DNM2: variants seen among roughly 807,000 people sequenced by gnomAD.
DNM2 encodes the protein dynamin 2.
Under a neutral mutation model 99.0 loss-of-function variants are expected in DNM2, and 15 were observed. The observed-to-expected ratio is 0.15, with a 90% CI of 0.10 to 0.23. DNM2 has a LOEUF of 0.23. Ranked by LOEUF, DNM2 falls within the 10% of genes least tolerant of loss-of-function variation. The probability of loss-of-function intolerance (pLI) is 1.00; values close to 1 mark genes in which losing one functional copy is unlikely to be tolerated. For missense variants in DNM2, 742 were observed against 1,189.4 expected (o/e 0.62, Z 5.53); for synonymous variants, 525 against 481.2 (o/e 1.09, Z -1.19).
chr19:10,773,400 G>A (rs1471325314), intron 3 of DNM2, among the ~76,000 whole-genome samples: 1 of 151,014 alleles, frequency 6.6e-6, no homozygotes, highest in East Asian at 2.0e-4. Context: ...GCCCACTTTG[G>A]CCTCCCAAAA....
At chr19:10,797,580 C>T (rs2071983531) in intron 10 of DNM2, 62 bp downstream of exon 10, 4 of 1,611,934 alleles carry the variant, frequency 2.5e-6, no homozygotes, top group Admixed American at 3.3e-5. Context: ...GTGTTAGTCT[C>T]AACCCGAGCA....
intron 1 of DNM2, among the ~76,000 whole-genome samples, chr19:10,746,346 ATGGGGGGCACT>A (rs2069969216): frequency 6.6e-6 from 1 of 151,028 alleles, no homozygotes; most frequent in Non-Finnish European, 1.5e-5. Context: ...TGACAGGGCC[ATGGGGGGCACT>A]TGGGAACTGT....
Position 10,764,949 on chromosome 19 carries a change from T to TTTTTTC in DNM2, c.235+5150_235+5155dup, listed in dbSNP as rs2070747059. The stretch of plus-strand genomic sequence containing the variant: ...GGCAGCACGAGTTATCCTGTTCTTG[T>TTTTTTC]TTTTTCTTTTTCTTTTTTTTTTTTT... On this transcript the variant is annotated intron_variant, in intron 2 of 20. Coordinates refer to ENST00000389253, the MANE Select transcript of DNM2 (RefSeq NM_001005361.3). This position sits in a 1 kb window ranked among gnomAD's most constrained non-coding sequence, Gnocchi z 4.1. Among the ~76,000 whole-genome samples, 1 of 151,658 alleles carries TTTTTTC rather than the reference T, an allele frequency of 6.6e-6. No individual in the cohort carries two copies. The highest frequency in any genetic ancestry group is 1.5e-5 in the Non-Finnish European group (1 of 67,862).
chr19:10,782,661 AT>A (rs1425420186), intron 5 of DNM2, among the ~76,000 whole-genome samples: 1 of 152,052 alleles, frequency 6.6e-6, no homozygotes, highest in African/African-American at 2.4e-5. Context: ...CCCGGCCGAG[AT>A]TTTTTTCTCA....
At chr19:10,723,431 C>A (rs1324765319) in intron 1 of DNM2, among the ~76,000 whole-genome samples, 1 of 152,168 alleles carries the variant, frequency 6.6e-6, no homozygotes, top group Non-Finnish European at 1.5e-5. Context: ...CCGTGCCCGG[C>A]TAATTTTTCT....
chr19:10,792,302 CAG>C (rs1345065009), intron 7 of DNM2, among the ~76,000 whole-genome samples: 6 of 152,148 alleles, frequency 3.9e-5, no homozygotes, highest in Admixed American at 3.9e-4. Flanking sequence ...GTGGCCCTGA[CAG>C]TGGTCACCAT....
chr19:10,784,636 G>T (rs1831451141), intron 6 of DNM2, among the ~76,000 whole-genome samples: 1 of 152,142 alleles, frequency 6.6e-6, no homozygotes, highest in African/African-American at 2.4e-5. Context: ...GGCCAGCGTA[G>T]CTCCCTGCCT....
At position 10,795,762 on chromosome 19, in the gene DNM2, C is replaced by T. The variant is rs1046998546; in HGVS notation, c.1196+323C>T. ...CAGATTTGCCTGGGGAGGGGCGGGGCGGCACTGAATCAGGGTTTTGGGAAG... is the reference window on the plus strand; with the variant it reads ...CAGATTTGCCTGGGGAGGGGCGGGGTGGCACTGAATCAGGGTTTTGGGAAG... On this transcript the variant is annotated intron_variant, in intron 9 of 20. Coordinates refer to ENST00000389253, the MANE Select transcript of DNM2 (RefSeq NM_001005361.3). This position sits in a 1 kb window ranked among gnomAD's most constrained non-coding sequence, Gnocchi z 4.2. 11 of 581,822 alleles carry T rather than the reference C, an allele frequency of 1.9e-5. No individual in the cohort carries two copies. The highest frequency in any genetic ancestry group is 2.4e-5 in the Non-Finnish European group (8 of 327,340). 36.0% of individuals were successfully genotyped at this position (581,822 alleles called of 1,614,324 possible). A position where few individuals can be genotyped will look rare whatever the true frequency, so the allele number is the denominator to read the frequency against.
intron 1 of DNM2, among the ~76,000 whole-genome samples, chr19:10,736,264 CAAA>C (rs545329681): frequency 2.2e-5 from 2 of 91,474 alleles, no homozygotes; most frequent in Non-Finnish European, 2.4e-5. Flanking sequence ...GACTCTGTCT[CAAA>C]AAAAAAAAAA....
chr19:10,732,206 G>C (rs2069347360), intron 1 of DNM2, among the ~76,000 whole-genome samples: 1 of 148,630 alleles, frequency 6.7e-6, no homozygotes, highest in Admixed American at 6.7e-5. Context: ...GCCTGCTTCA[G>C]CCTCCCAGAG....
chr19:10,829,973 G>A (rs2073277373), intron 19 of DNM2, among the ~76,000 whole-genome samples, 154 bp from the exon 20 acceptor site: 1 of 152,132 alleles, frequency 6.6e-6, no homozygotes, highest in Non-Finnish European at 1.5e-5. Flanking sequence ...GCAAGGGAAG[G>A]TGGGACTGGC....
chr19:10,719,488 G>A (rs1396935952), intron 1 of DNM2, among the ~76,000 whole-genome samples: 1 of 152,036 alleles, frequency 6.6e-6, no homozygotes, highest in Non-Finnish European at 1.5e-5. Context: ...GAGAAGCCGC[G>A]GTGTGCCCAT....
Position 10,831,486 on chromosome 19 carries a change from C to T in DNM2, c.*439C>T, listed in dbSNP as rs1321249519. On this transcript the variant is annotated 3_prime_UTR_variant, in exon 21 of 21. Coordinates refer to ENST00000389253, the MANE Select transcript of DNM2 (RefSeq NM_001005361.3). This position sits in a 1 kb window ranked among gnomAD's most constrained non-coding sequence, Gnocchi z 4.3. Reference sequence around the variant, plus strand: ...CAGGGGTATATCAACTTCCCATTAGCAGGAGCTCCCCAGCGGCAAGCCTGG... The same window carrying T: ...CAGGGGTATATCAACTTCCCATTAGTAGGAGCTCCCCAGCGGCAAGCCTGG... 3 of 989,308 alleles carry T rather than the reference C, an allele frequency of 3.0e-6. No individual in the cohort carries two copies. In the African/African-American group the frequency reaches 5.2e-5, roughly 17 times the overall value. The allele number at this position is 989,308 out of a possible 1,614,324, so 61.3% of individuals were successfully genotyped here. A position where few individuals can be genotyped will look rare whatever the true frequency, so the allele number is the denominator to read the frequency against.
rs969431126 is a variant in DNM2 at position 10,753,493 on chromosome 19, G to T, written c.162-6245G>T. On this transcript the variant is annotated intron_variant, in intron 1 of 20. Transcript: ENST00000389253. ...TTCCTTTTCTTTCTTCAGTAAAACTGATCACTACAAACCTTTTCTTTTTTT... is the reference window on the plus strand; with the variant it reads ...TTCCTTTTCTTTCTTCAGTAAAACTTATCACTACAAACCTTTTCTTTTTTT... Among the ~76,000 whole-genome samples the T allele has an allele frequency of 2.1e-5, 3 of 144,606 alleles. No individual in the cohort carries two copies. The East Asian group carries it at 6.2e-4, about 30-fold the overall frequency. The allele number at this position is 144,606 out of a possible 152,430, so 94.9% of individuals were successfully genotyped here. A position where few individuals can be genotyped will look rare whatever the true frequency, so the allele number is the denominator to read the frequency against.
At chr19:10,790,568 G>A (rs890467928) in intron 7 of DNM2, among the ~76,000 whole-genome samples, 5 of 152,280 alleles carry the variant, frequency 3.3e-5, no homozygotes, top group African/African-American at 1.2e-4. Context: ...CCAGGTTCAA[G>A]CGATTCTCCT....
In DNM2 at chr19:10,775,630, T is replaced by C. The variant is rs1389161116; in HGVS notation, c.386-73T>C. 2.6e-6 allele frequency: 4 copies of C among 1,559,896 alleles called. No individual in the cohort carries two copies. The highest frequency in any genetic ancestry group is 2.2e-5 in the East Asian group (1 of 44,596). ...CCGCGCAGGAACTTTGGTAGTCAGCTGGGTGGCTGCGGGCCTGTTTGTGCC... is the reference window on the plus strand; with the variant it reads ...CCGCGCAGGAACTTTGGTAGTCAGCCGGGTGGCTGCGGGCCTGTTTGTGCC... On this transcript the variant is annotated intron_variant, in intron 3 of 20. Coordinates refer to ENST00000389253, the MANE Select transcript of DNM2 (RefSeq NM_001005361.3). The surrounding 1 kb of genome is among the most constrained non-coding windows in gnomAD (Gnocchi z 4.3).
intron 1 of DNM2, among the ~76,000 whole-genome samples, chr19:10,720,190 G>GTTTAT (rs2068890042): frequency 6.6e-6 from 1 of 151,354 alleles, no homozygotes; most frequent in South Asian, 2.1e-4. Context: ...TCCTAAACAA[G>GTTTAT]TTTATTTTAT....
intron 16 of DNM2, among the ~76,000 whole-genome samples, chr19:10,821,829 C>T (rs929925602): frequency 6.6e-6 from 1 of 152,130 alleles, no homozygotes; most frequent in Non-Finnish European, 1.5e-5. Flanking sequence ...CTGCACCTGG[C>T]CCAAAACCCC....
chr19:10,774,085 T>C (rs1434694379), intron 3 of DNM2, among the ~76,000 whole-genome samples: 1 of 152,220 alleles, frequency 6.6e-6, no homozygotes, highest in African/African-American at 2.4e-5. Flanking sequence ...CAGAAAGGTA[T>C]ATCGCAAAAA....
Sources: gnomAD v4.1 joint callset for allele counts (sites outside exome capture counted in the v4.1 genomes callset) on GRCh38, gnomAD v4.1.1 for gene constraint, Gnocchi (gnomAD v3.1) non-coding constraint, MANE v1.5 for transcripts, NCBI Gene and HGNC (gene_info 2026-07-23, HGNC 2026-07-21) for gene names.